The following UNC13C variants were observed in gnomAD, a reference collection of about 807,000 sequenced individuals.
UNC13C encodes the protein unc-13 homolog C, also known as protein unc-13 homolog C.
A neutral mutation model predicts 245.4 loss-of-function variants in UNC13C; 174 were observed. That is an observed-to-expected ratio of 0.71 (90% CI 0.63 to 0.80). The LOEUF (loss-of-function observed/expected upper bound fraction) is 0.80. Among genes scored for constraint, UNC13C ranks in the 30% least tolerant of loss-of-function variants. The pLI, the probability that UNC13C is intolerant of heterozygous loss-of-function variation, is 0.00. For missense variants in UNC13C, 2,829 were observed against 2,602.9 expected (o/e 1.09, Z -1.89); for synonymous variants, 992 against 895.1 (o/e 1.11, Z -1.93).
intron 4 of UNC13C, among the ~76,000 whole-genome samples, chr15:54,219,019 C>T (rs1268773400): frequency 3.3e-5 from 5 of 152,010 alleles, no homozygotes; most frequent in African/African-American, 1.2e-4. Context: ...AATGGCCATA[C>T]TGCCCAAGGT....
At chr15:54,322,464 C>T (rs1242524731) in intron 14 of UNC13C, among the ~76,000 whole-genome samples, 2 of 151,958 alleles carry the variant, frequency 1.3e-5, no homozygotes, top group Admixed American at 6.6e-5. Flanking sequence ...GCTTGGCTGC[C>T]ATCTCTGGAA....
At position 53,978,472 on chromosome 15, in the gene UNC13C, G is replaced by T. The variant is rs1391103714; in HGVS notation, c.-712G>T. Reference sequence around the variant, plus strand: ...GACTCAGCCGCAGCCGGCGATGTGTGAAGTTCCCAGCACGCACTCAGCCCG... The same window carrying T: ...GACTCAGCCGCAGCCGGCGATGTGTTAAGTTCCCAGCACGCACTCAGCCCG... On this transcript the variant is annotated 5_prime_UTR_variant, in exon 1 of 33. It introduces an in-frame stop codon into an upstream open reading frame of the 5' UTR. Transcript: ENST00000260323. Among the ~76,000 whole-genome samples, 1 of 152,206 alleles carries T rather than the reference G, an allele frequency of 6.6e-6. No homozygotes were observed. Among genetic ancestry groups the T allele is most frequent in the African/African-American group, 2.4e-5 (1 of 41,446 alleles).
At chr15:54,459,203 G>T (rs1056576227) in intron 19 of UNC13C, among the ~76,000 whole-genome samples, 1 of 152,190 alleles carries the variant, frequency 6.6e-6, no homozygotes, top group Admixed American at 6.5e-5. Flanking sequence ...TTGTTAAGGA[G>T]GCTAAGGATA....
intron 24 of UNC13C, among the ~76,000 whole-genome samples, chr15:54,523,726 A>T (rs1895325988): frequency 6.6e-6 from 1 of 152,172 alleles, no homozygotes. Flanking sequence ...GGAAACCAAA[A>T]CACATTTTAA....
chr15:54,525,573 C>G lies in UNC13C; in HGVS notation c.5482C>G (p.Leu1828Val). ...GCTAGATTCTGAAGCTAGTACTATT[C>G]TAAAAGAACTTCAGGTTAAGCTCAG... ...KELDSEASTI[L>V]KELQVKLSGV... Residue 1828 changes from leucine to valine, a missense_variant, in exon 25 of 33, where the codon CTA becomes GTA. By Grantham distance (32) the Leu-to-Val change is conservative (BLOSUM62 1). Coordinates refer to ENST00000260323, the MANE Select transcript of UNC13C (RefSeq NM_001080534.3). 6.2e-7 allele frequency: 1 copy of G among 1,612,778 alleles called. No homozygotes were observed. The highest frequency in any genetic ancestry group is 8.5e-7 in the Non-Finnish European group (1 of 1,179,442).
At chr15:54,514,996 C>A (rs1413937316) in intron 24 of UNC13C, among the ~76,000 whole-genome samples, 2 of 152,128 alleles carry the variant, frequency 1.3e-5, no homozygotes, top group African/African-American at 4.8e-5. Flanking sequence ...ATTTTCTTCT[C>A]CTCTAAAGTG....
intron 11 of UNC13C, among the ~76,000 whole-genome samples, chr15:54,295,233 C>A (rs2037398325): frequency 6.6e-6 from 1 of 152,120 alleles, no homozygotes; most frequent in Non-Finnish European, 1.5e-5. Flanking sequence ...CAAATTATTT[C>A]TTTATGAAAG....
intron 14 of UNC13C, among the ~76,000 whole-genome samples, chr15:54,326,857 A>C (rs1453277577): frequency 6.6e-6 from 1 of 152,068 alleles, no homozygotes; most frequent in Admixed American, 6.6e-5. Flanking sequence ...CTGATCAGTA[A>C]ATTTTCAGGA....
At chr15:53,961,355 T>G in the UNC13C span, among the ~76,000 whole-genome samples, 2 of 152,260 alleles carry the variant, frequency 1.3e-5, no homozygotes, top group Admixed American at 6.5e-5. Context: ...TTACTTTGTT[T>G]GCAAAGAGGG....
At chr15:54,062,896 A>G (rs934589520) in intron 2 of UNC13C, among the ~76,000 whole-genome samples, 3 of 152,222 alleles carry the variant, frequency 2.0e-5, no homozygotes, top group Non-Finnish European at 2.9e-5. Context: ...TAGATATCCC[A>G]GTTATTCTAC....
intron 4 of UNC13C, among the ~76,000 whole-genome samples, chr15:54,233,276 T>C (rs546545055): frequency 1.3e-5 from 2 of 152,276 alleles, no homozygotes; most frequent in African/African-American, 4.8e-5. Flanking sequence ...GTCACCTTTC[T>C]CCCTGAACAC....
intron 4 of UNC13C, among the ~76,000 whole-genome samples, chr15:54,227,526 C>A: frequency 6.6e-6 from 1 of 152,172 alleles, no homozygotes; most frequent in South Asian, 2.1e-4. Context: ...CTCTTTGGTG[C>A]CTAAATCTTC....
intron 18 of UNC13C, among the ~76,000 whole-genome samples, chr15:54,396,430 C>G (rs563306550): frequency 1.3e-5 from 2 of 151,566 alleles, no homozygotes; most frequent in Non-Finnish European, 3.0e-5. Context: ...TTCATTACAA[C>G]TATTTTGAGT....
chr15:54,274,968 C>T (rs1041915463), intron 10 of UNC13C, among the ~76,000 whole-genome samples: 6 of 151,682 alleles, frequency 4.0e-5, no homozygotes, highest in Admixed American at 3.9e-4. Flanking sequence ...CCACGCGCGG[C>T]CTAAGTAGAC....
chr15:53,901,218 CTTTTT>C, the UNC13C span, among the ~76,000 whole-genome samples: 2 of 104,828 alleles, frequency 1.9e-5, no homozygotes, highest in African/African-American at 3.7e-5. Context: ...TCATAGATTT[CTTTTT>C]TTTTTTTTTT....
chr15:54,013,302 A>G lies in UNC13C; in HGVS notation c.399A>G (p.Glu133=). 1.9e-6 allele frequency: 3 copies of G among 1,613,840 alleles called. No individual in the cohort carries two copies. The highest frequency in any genetic ancestry group is 1.3e-5 in the African/African-American group (1 of 75,048). The change falls in exon 2 of 33, where the codon GAA becomes GAG. Residue 133 remains glutamate, a synonymous_variant. Coordinates refer to ENST00000260323, the MANE Select transcript of UNC13C (RefSeq NM_001080534.3). ...IESSYSESLN[E]LRSSTENQAQ... ...GTTCCTACTCAGAATCATTAAATGA[A>G]CTAAGGAGTAGCACAGAAAACCAGG...
intron 4 of UNC13C, among the ~76,000 whole-genome samples, chr15:54,167,868 G>T (rs1489885906): frequency 1.3e-5 from 2 of 151,988 alleles, no homozygotes; most frequent in Non-Finnish European, 2.9e-5. Flanking sequence ...ATAAGCATAT[G>T]GAAAAATGCA....
chr15:54,317,247 A>G (rs1010826348), intron 13 of UNC13C, among the ~76,000 whole-genome samples: 13 of 151,982 alleles, frequency 8.6e-5, no homozygotes, highest in African/African-American at 2.9e-4. Context: ...TGTGAATAAC[A>G]TATGTTAGCA....
intron 2 of UNC13C, among the ~76,000 whole-genome samples, chr15:54,113,985 T>C (rs539242726): frequency 1.3e-5 from 2 of 152,194 alleles, no homozygotes; most frequent in Non-Finnish European, 2.9e-5. Context: ...CCTTCACACC[T>C]CTGAAAGGCT....
Sources: allele counts gnomAD v4.1 joint callset (sites outside exome capture counted in the v4.1 genomes callset), GRCh38; gene constraint gnomAD v4.1.1; transcripts MANE v1.5; gene names NCBI Gene and HGNC (gene_info 2026-07-23, HGNC 2026-07-21).